Variants in LMX1A observed in about 807,000 individuals in gnomAD.
LMX1A encodes the protein LIM homeobox transcription factor 1 alpha.
A neutral mutation model predicts 49.1 loss-of-function variants in LMX1A; 15 were observed. The ratio of observed to expected loss-of-function variants is 0.31; its 90% CI spans 0.20 to 0.47. The LOEUF is 0.47. Among genes scored for constraint, LMX1A ranks in the 20% least tolerant of loss-of-function variants. The probability of loss-of-function intolerance (pLI) is 1.00; values close to 1 mark genes in which losing one functional copy is unlikely to be tolerated. For missense variants in LMX1A, 372 were observed against 475.8 expected, an observed-to-expected ratio of 0.78 and a Z score of 2.03; for synonymous variants, 167 against 185.7, an observed-to-expected ratio of 0.90 and a Z score of 0.82.
chr1:165,335,447 T>C (rs1267974429), intron 3 of LMX1A, among the ~76,000 whole-genome samples: 2 of 152,116 alleles, frequency 1.3e-5, no homozygotes, highest in Non-Finnish European at 2.9e-5. Context: ...GGATAATCAA[T>C]AACTCAGTAA....
intron 3 of LMX1A, among the ~76,000 whole-genome samples, chr1:165,275,591 A>C (rs1504694): frequency 0.1 from 15,153 of 152,202 alleles, 961 homozygotes; most frequent in Non-Finnish European, 0.15. Context: ...CATCATATCC[A>C]GTTCCTTGGC....
intron 3 of LMX1A, among the ~76,000 whole-genome samples, chr1:165,257,711 C>G (rs1405051502): frequency 6.6e-6 from 1 of 152,160 alleles, no homozygotes; most frequent in Non-Finnish European, 1.5e-5. Flanking sequence ...CCAATGGGGA[C>G]AGGGTTGGAC....
intron 5 of LMX1A, among the ~76,000 whole-genome samples, chr1:165,212,237 C>T (rs200304445): frequency 2.4e-4 from 8 of 33,518 alleles, no homozygotes; most frequent in Admixed American, 2.4e-3. Flanking sequence ...ACTGCACCTA[C>T]GCTGGGCTAA....
chr1:165,318,919 T>C (rs1332906547), intron 3 of LMX1A, among the ~76,000 whole-genome samples: 1 of 151,934 alleles, frequency 6.6e-6, no homozygotes, highest in Non-Finnish European at 1.5e-5. Context: ...ACTTACCTCC[T>C]GGTTAAGCCC....
Position 165,222,869 on chromosome 1 carries a change from A to G in LMX1A, c.497-9056T>C, listed in dbSNP as rs574555529. 2.6e-5 allele frequency among the ~76,000 whole-genome samples: 4 copies of G among 152,326 alleles called. No homozygotes were observed. The South Asian group carries it at 8.3e-4, about 32-fold the overall frequency. On this transcript the variant is annotated intron_variant, in intron 4 of 8. Coordinates refer to ENST00000342310, the MANE Select transcript of LMX1A (RefSeq NM_177398.4). ...CCACTAACAGGCTATCTGAAAGAGC[A>G]AGATAAAACAGGGTCAGATACCTAG...
chr1:165,235,415 C>T (rs1346634987), intron 4 of LMX1A, among the ~76,000 whole-genome samples: 1 of 134,040 alleles, frequency 7.5e-6, no homozygotes, highest in Non-Finnish European at 1.7e-5. Flanking sequence ...CGGACACACA[C>T]ACACACACTC....
intron 3 of LMX1A, among the ~76,000 whole-genome samples, chr1:165,296,687 G>T (rs1010348574): frequency 6.6e-6 from 1 of 152,242 alleles, no homozygotes; most frequent in Non-Finnish European, 1.5e-5. Flanking sequence ...TGGGATCTGG[G>T]CCTCTGCCCC....
intron 3 of LMX1A, among the ~76,000 whole-genome samples, chr1:165,339,964 T>A (rs1656021480): frequency 6.6e-6 from 1 of 152,192 alleles, no homozygotes; most frequent in Non-Finnish European, 1.5e-5. Flanking sequence ...CCAAGTGGTA[T>A]CTTTGCCCCC....
Position 165,242,730 on chromosome 1 carries a change from AT to A in LMX1A, c.496+6677del, listed in dbSNP as rs201038153. The stretch of plus-strand genomic sequence containing the variant: ...TCTCTACTAAAAATAAAAAAAAAAA[AT>A]TAGCTGGGCTAATTTTTTCTCAGGT... On this transcript the variant is annotated intron_variant, in intron 4 of 8. Coordinates refer to ENST00000342310, the MANE Select transcript of LMX1A (RefSeq NM_177398.4). Among the ~76,000 whole-genome samples, 949 of 151,574 alleles carry A rather than the reference AT, an allele frequency of 6.3e-3. 5 individuals carry two copies. The highest frequency in any genetic ancestry group is 0.02 in the African/African-American group (832 of 41,412).
intron 3 of LMX1A, among the ~76,000 whole-genome samples, chr1:165,350,434 A>C (rs965327352): frequency 6.6e-6 from 1 of 152,198 alleles, no homozygotes; most frequent in African/African-American, 2.4e-5. Context: ...TCCTGAAGGC[A>C]GGCTCTGAGA....
At chr1:165,257,788 C>T (rs1196547230) in intron 3 of LMX1A, among the ~76,000 whole-genome samples, 1 of 152,164 alleles carries the variant, frequency 6.6e-6, no homozygotes, top group Non-Finnish European at 1.5e-5. Flanking sequence ...TCCCAAAGTC[C>T]TGCAGACCTT....
intron 4 of LMX1A, among the ~76,000 whole-genome samples, chr1:165,228,457 T>C (rs1168897632): frequency 6.6e-6 from 1 of 152,232 alleles, no homozygotes; most frequent in Admixed American, 6.5e-5. Flanking sequence ...TTAAACTCTC[T>C]CTGTTCTAAA....
chr1:165,212,842 G>C (rs1651468190), intron 5 of LMX1A: 1 of 152,186 alleles, frequency 6.6e-6, no homozygotes, highest in Admixed American at 6.5e-5. Context: ...TTCCCTGCAG[G>C]AAGTGTGGCC....
intron 3 of LMX1A, among the ~76,000 whole-genome samples, chr1:165,306,284 T>C (rs1654918596): frequency 6.6e-6 from 1 of 152,236 alleles, no homozygotes; most frequent in South Asian, 2.1e-4. Context: ...CCTTTGGATA[T>C]AAATTTCCCT....
intron 3 of LMX1A, among the ~76,000 whole-genome samples, chr1:165,335,388 TAATAAC>T (rs1482633637): frequency 6.6e-6 from 1 of 152,214 alleles, no homozygotes; most frequent in Non-Finnish European, 1.5e-5. Context: ...ACTAAATTAA[TAATAAC>T]AAATGGATTA....
chr1:165,215,861 T>G (rs2102606287), intron 4 of LMX1A: 1 of 152,270 alleles, frequency 6.6e-6, no homozygotes. Context: ...TGAGCCTTGG[T>G]TTCCATAACT....
At chr1:165,258,654 G>A (rs1571184529) in intron 3 of LMX1A, among the ~76,000 whole-genome samples, 1 of 152,114 alleles carries the variant, frequency 6.6e-6, no homozygotes, top group African/African-American at 2.4e-5. Flanking sequence ...CAGAGGCTCC[G>A]CAAGGCACTG....
chr1:165,202,879 G>A lies in LMX1A; in HGVS notation c.*1001C>T, dbSNP rs1403529050. The A allele has an allele frequency of 6.5e-6, 1 of 152,690 alleles. No individual in the cohort carries two copies. 9.5% of individuals were successfully genotyped at this position (152,690 alleles called of 1,614,324 possible). ...CCTTTGCCAAGTGAGTGGCCTGGTT[G>A]TATCTTAAACAAATATCAGATATTA... On this transcript the variant is annotated 3_prime_UTR_variant, in exon 9 of 9. Coordinates refer to ENST00000342310, the MANE Select transcript of LMX1A (RefSeq NM_177398.4).
intron 4 of LMX1A, among the ~76,000 whole-genome samples, chr1:165,226,831 A>AT (rs1455850205): frequency 6.6e-6 from 1 of 152,206 alleles, no homozygotes; most frequent in Non-Finnish European, 1.5e-5. Context: ...AGGGATAAAT[A>AT]TTTTTTAGTA....
Sources: allele counts gnomAD v4.1 joint callset (sites outside exome capture counted in the v4.1 genomes callset), GRCh38; gene constraint gnomAD v4.1.1; transcripts MANE v1.5; gene names NCBI Gene and HGNC (gene_info 2026-07-23, HGNC 2026-07-21).